Variants in CTNNA2 observed in about 807,000 individuals in gnomAD.
CTNNA2 encodes catenin alpha 2.
In CTNNA2, 42 loss-of-function variants were observed where a neutral mutation model predicts 101.0. That is an observed-to-expected ratio of 0.42 (90% CI 0.32 to 0.54). The LOEUF is 0.54. Ranked by LOEUF, CTNNA2 falls within the 20% of genes least tolerant of loss-of-function variation. CTNNA2 has a pLI of 0.14. For missense variants in CTNNA2, 871 were observed against 1,223.1 expected (o/e 0.71, Z 4.29); for synonymous variants, 450 against 456.4 (o/e 0.99, Z 0.18).
At chr2:79,561,666 CAT>C (rs1674790324) in intron 1 of CTNNA2, among the ~76,000 whole-genome samples, 1 of 151,756 alleles carries the variant, frequency 6.6e-6, no homozygotes. Flanking sequence ...GGAGATACCA[CAT>C]GTCTAATGAT....
intron 3 of CTNNA2, among the ~76,000 whole-genome samples, chr2:79,762,875 T>C (rs1382468823): frequency 3.3e-5 from 5 of 152,192 alleles, no homozygotes; most frequent in Admixed American, 6.5e-5. Context: ...TTACACAATT[T>C]TATGGTGGCG....
intron 14 of CTNNA2, among the ~76,000 whole-genome samples, chr2:80,585,115 C>T (rs1207576774): frequency 6.6e-6 from 1 of 150,430 alleles, no homozygotes; most frequent in Non-Finnish European, 1.5e-5. Context: ...GCCTCTTGCT[C>T]TAGGCTAAGA....
chr2:79,441,023 G>C (rs968396829), intron 4 of CTNNA2, among the ~76,000 whole-genome samples: 2 of 152,110 alleles, frequency 1.3e-5, no homozygotes, highest in African/African-American at 4.8e-5. Context: ...GTTCAGTGCC[G>C]AGCAATGTTC....
At chr2:79,187,265 C>CTT (rs1156460356) in intron 1 of CTNNA2, among the ~76,000 whole-genome samples, 22 of 83,388 alleles carry the variant, frequency 2.6e-4, no homozygotes, top group African/African-American at 1.0e-3. Context: ...CTTTTCTTTT[C>CTT]TTTTCTTTTT....
chr2:79,999,016 G>A (rs751992651), intron 7 of CTNNA2, among the ~76,000 whole-genome samples: 3 of 152,002 alleles, frequency 2.0e-5, no homozygotes, highest in African/African-American at 4.8e-5. Flanking sequence ...ACTGTTCCTG[G>A]ATGTGTTGTT....
intron 3 of CTNNA2, among the ~76,000 whole-genome samples, chr2:79,818,803 T>C (rs1677738324): frequency 9.5e-6 from 1 of 105,574 alleles, no homozygotes; most frequent in Non-Finnish European, 1.9e-5. Context: ...ATCATATACT[T>C]CAGGATCCAA....
In CTNNA2 at chr2:80,207,425, C is replaced by T. The variant is rs183303372; in HGVS notation, c.1057-185786C>T. On this transcript the variant is annotated intron_variant, in intron 7 of 18. Transcript: ENST00000402739. ...TGTACTTTAAAGATCCAACTAAAAC[C>T]GCATGGAGACTGGAGTAGAGAGAGA... is the stretch of plus-strand genomic sequence containing the variant. Among the ~76,000 whole-genome samples the T allele has an allele frequency of 3.1e-4, 47 of 152,198 alleles. 1 individual carries two copies. The highest frequency in any genetic ancestry group is 9.4e-4 in the African/African-American group (39 of 41,526).
At chr2:79,231,001 G>A (rs939415672) in intron 2 of CTNNA2, among the ~76,000 whole-genome samples, 22 of 152,164 alleles carry the variant, frequency 1.4e-4, no homozygotes, top group Non-Finnish European at 8.8e-5. Flanking sequence ...TAACTGACTT[G>A]CTTTTAATTT....
intron 1 of CTNNA2, among the ~76,000 whole-genome samples, chr2:79,193,582 C>A (rs909700514): frequency 2.0e-5 from 3 of 152,090 alleles, no homozygotes; most frequent in African/African-American, 7.2e-5. Context: ...TAGAATGTAT[C>A]CCCAATATTA....
chr2:79,549,097 C>G (rs1054047208), intron 1 of CTNNA2, among the ~76,000 whole-genome samples: 1 of 152,158 alleles, frequency 6.6e-6, no homozygotes, highest in Admixed American at 6.5e-5. Flanking sequence ...CATCCAAAAA[C>G]AAATTTCTCA....
chr2:79,951,292 A>T (rs971185124), intron 7 of CTNNA2, among the ~76,000 whole-genome samples: 1 of 152,174 alleles, frequency 6.6e-6, no homozygotes, highest in Non-Finnish European at 1.5e-5. Context: ...CCGCCCAAAG[A>T]TAAAGTGCTT....
At chr2:79,528,426 C>T (rs758466291) in intron 1 of CTNNA2, among the ~76,000 whole-genome samples, 8 of 151,736 alleles carry the variant, frequency 5.3e-5, no homozygotes, top group Non-Finnish European at 4.4e-5. Flanking sequence ...GCTGTATTGC[C>T]CAGACTGAGA....
chr2:80,629,921 C>T (rs965750593), intron 18 of CTNNA2, among the ~76,000 whole-genome samples: 1 of 152,156 alleles, frequency 6.6e-6, no homozygotes, highest in Non-Finnish European at 1.5e-5. Context: ...TTAAATGGAG[C>T]CTTTCAAGTC....
chr2:79,575,043 C>T (rs552761753), intron 1 of CTNNA2, among the ~76,000 whole-genome samples: 9 of 152,186 alleles, frequency 5.9e-5, no homozygotes, highest in African/African-American at 1.9e-4. Context: ...GTGTCCTTTG[C>T]CCACTTTTTG....
chr2:80,347,534 G>A (rs566554613), intron 7 of CTNNA2, among the ~76,000 whole-genome samples: 59 of 152,262 alleles, frequency 3.9e-4, no homozygotes, highest in African/African-American at 1.3e-3. Flanking sequence ...AATGCACAGC[G>A]CTCCTTAGAC....
chr2:80,636,748 C>T (rs938906594), intron 18 of CTNNA2, among the ~76,000 whole-genome samples: 4 of 152,090 alleles, frequency 2.6e-5, no homozygotes, highest in Non-Finnish European at 4.4e-5. Context: ...ACATCAGCTT[C>T]CCAGGCTAGA....
At chr2:80,068,952 A>C (rs1002289130) in intron 7 of CTNNA2, among the ~76,000 whole-genome samples, 1 of 152,250 alleles carries the variant, frequency 6.6e-6, no homozygotes, top group Non-Finnish European at 1.5e-5. Flanking sequence ...TGCATTAGTC[A>C]GGATTCTCCA....
intron 7 of CTNNA2, among the ~76,000 whole-genome samples, chr2:80,157,871 C>T (rs1453459367): frequency 1.3e-5 from 2 of 152,078 alleles, no homozygotes; most frequent in African/African-American, 4.8e-5. Context: ...CTTGCCTCAG[C>T]TGGGGGCAGC....
chr2:80,647,599 A>T lies in CTNNA2; in HGVS notation c.2589A>T (p.Thr863=). The T allele has an allele frequency of 1.2e-6, 2 of 1,612,336 alleles. No individual in the cohort carries two copies. The highest frequency in any genetic ancestry group is 1.7e-6 in the Non-Finnish European group (2 of 1,178,830). Residue 863 remains threonine, a synonymous_variant, in exon 19 of 19, where the codon ACA becomes ACT. Coordinates refer to ENST00000402739, the MANE Select transcript of CTNNA2 (RefSeq NM_001282597.3). ...SSDSSMLDSA[T]SLIQAAKNLM... is the part of the protein sequence containing the mutation. ...TCCTACTCTAGCTGGACAGTGCCACATCGCTTATCCAGGCAGCTAAAAACC... is the reference window on the plus strand; with the variant it reads ...TCCTACTCTAGCTGGACAGTGCCACTTCGCTTATCCAGGCAGCTAAAAACC...
Sources: allele counts gnomAD v4.1 joint callset (sites outside exome capture counted in the v4.1 genomes callset), GRCh38; gene constraint gnomAD v4.1.1; transcripts MANE v1.5; gene names NCBI Gene and HGNC (gene_info 2026-07-23, HGNC 2026-07-21).